Variants in KIF13A observed in about 807,000 individuals in gnomAD.
KIF13A encodes kinesin-like protein KIF13A.
KIF13A carries 79 observed loss-of-function variants against 212.2 expected under a neutral mutation model. That is an observed-to-expected ratio of 0.37 (90% CI 0.31 to 0.45). The LOEUF is 0.45. Ranked by LOEUF, KIF13A falls within the 20% of genes least tolerant of loss-of-function variation. The probability of loss-of-function intolerance (pLI) is 1.00; values close to 1 mark genes in which losing one functional copy is unlikely to be tolerated. For synonymous variants in KIF13A, 789 were observed against 808.6 expected, an observed-to-expected ratio of 0.98 and a Z score of 0.41; for missense variants, 1,901 against 2,209.0, an observed-to-expected ratio of 0.86 and a Z score of 2.79.
At chr6:17,863,963 T>C (rs528297162) in intron 4 of KIF13A, among the ~76,000 whole-genome samples, 9 of 152,300 alleles carry the variant, frequency 5.9e-5, no homozygotes, top group South Asian at 4.1e-4. Flanking sequence ...AAACAGTGCA[T>C]GGGTGGATCC....
chr6:17,986,449 A>G (rs958896334), intron 2 of KIF13A, among the ~76,000 whole-genome samples: 10 of 152,354 alleles, frequency 6.6e-5, no homozygotes, highest in East Asian at 5.8e-4. Flanking sequence ...TATACAGTTC[A>G]GGGCCCTACT....
At position 17,816,293 on chromosome 6, in the gene KIF13A, T is replaced by C. The variant is rs1320957058; in HGVS notation, c.2000+727A>G. On this transcript the variant is annotated intron_variant, in intron 17 of 38. Transcript: ENST00000259711. The surrounding 1 kb of genome is among the most constrained non-coding windows in gnomAD (Gnocchi z 4.3). The stretch of plus-strand genomic sequence containing the variant: ...ATCGCAGCTCACTAAAGCCTTGATC[T>C]CTGGGGCTCAAGTGACCCTCCCTCC... Among the ~76,000 whole-genome samples, 1 of 152,050 alleles carries C rather than the reference T, an allele frequency of 6.6e-6. No homozygotes were observed. Among genetic ancestry groups the C allele is most frequent in the Non-Finnish European group, 1.5e-5 (1 of 68,004 alleles).
chr6:17,797,325 G>A (rs1001242172), intron 22 of KIF13A, among the ~76,000 whole-genome samples: 5 of 151,614 alleles, frequency 3.3e-5, no homozygotes, highest in East Asian at 2.0e-4. Context: ...CACCATGCCC[G>A]GCCTCAACCC....
chr6:17,847,544 C>A (rs563848235), intron 9 of KIF13A, among the ~76,000 whole-genome samples: 1 of 152,264 alleles, frequency 6.6e-6, no homozygotes, highest in Non-Finnish European at 1.5e-5. Flanking sequence ...TAAATGCAAG[C>A]TGTGCAAACA....
At chr6:17,950,101 A>G (rs1473631147) in intron 2 of KIF13A, among the ~76,000 whole-genome samples, 1 of 152,168 alleles carries the variant, frequency 6.6e-6, no homozygotes, top group African/African-American at 2.4e-5. Context: ...TAGTTTTCCT[A>G]GGATATATAG....
At chr6:17,939,962 C>A (rs1750701887) in intron 2 of KIF13A, among the ~76,000 whole-genome samples, 1 of 149,856 alleles carries the variant, frequency 6.7e-6, no homozygotes, top group Non-Finnish European at 1.5e-5. Flanking sequence ...ATGGCGTGAA[C>A]CTGGGAGGCG....
At chr6:17,969,235 A>G (rs1779588020) in intron 2 of KIF13A, among the ~76,000 whole-genome samples, 1 of 152,234 alleles carries the variant, frequency 6.6e-6, no homozygotes, top group African/African-American at 2.4e-5. Context: ...CTTCACGGAC[A>G]TTGAACTGGT....
chr6:17,881,443 T>TA (rs34985576), intron 3 of KIF13A: 9,962 of 386,234 alleles, frequency 0.026, 2 homozygotes, highest in Middle Eastern at 0.034. Flanking sequence ...AATTTACAGT[T>TA]AAAAAAAAAA....
chr6:17,831,054 G>A (rs775725118), intron 13 of KIF13A, 47 bp downstream of exon 13: 1 of 1,567,250 alleles, frequency 6.4e-7, no homozygotes, highest in Non-Finnish European at 8.7e-7. Flanking sequence ...ACTACGAACT[G>A]TATAGGAATG....
At position 17,888,613 on chromosome 6, in the gene KIF13A, C is replaced by T. The variant is rs1386090813; in HGVS notation, c.159+9555G>A. 2.0e-5 allele frequency among the ~76,000 whole-genome samples: 3 copies of T among 152,194 alleles called. No individual in the cohort carries two copies. The highest frequency in any genetic ancestry group is 1.9e-4 in the East Asian group (1 of 5,192). On this transcript the variant is annotated intron_variant, in intron 3 of 38. Transcript: ENST00000259711. The surrounding 1 kb of genome is among the most constrained non-coding windows in gnomAD (Gnocchi z 4.8). ...CCAAAGCGGGCAGATCACTTGAGGC[C>T]GGGAGTTCGAGACCAGCTTGGCCAA...
chr6:17,979,668 T>C (rs532784027), intron 2 of KIF13A, among the ~76,000 whole-genome samples: 16 of 151,752 alleles, frequency 1.1e-4, no homozygotes, highest in Non-Finnish European at 2.1e-4. Context: ...CAAAACAATG[T>C]GCTTTAGGGA....
rs559583908 is a variant in KIF13A at position 17,914,688 on chromosome 6, C to G, written c.147-16508G>C. Reference sequence around the variant, plus strand: ...GCAGGGTCTCTGTGGAGCAGGGTCTCTGTAGGGTGTTCTCCAGGCCACCTC... The same window carrying G: ...GCAGGGTCTCTGTGGAGCAGGGTCTGTGTAGGGTGTTCTCCAGGCCACCTC... On this transcript the variant is annotated intron_variant, in intron 2 of 38. Transcript: ENST00000259711. The surrounding 1 kb of genome is among the most constrained non-coding windows in gnomAD (Gnocchi z 5.9). 4.6e-5 allele frequency among the ~76,000 whole-genome samples: 7 copies of G among 152,270 alleles called. No individual in the cohort carries two copies. Among genetic ancestry groups the G allele is most frequent in the African/African-American group, 1.7e-4 (7 of 41,550 alleles).
intron 16 of KIF13A, among the ~76,000 whole-genome samples, chr6:17,818,312 T>A (rs1172216350): frequency 6.6e-6 from 1 of 152,226 alleles, no homozygotes; most frequent in Non-Finnish European, 1.5e-5. Flanking sequence ...GAAAAGAAGC[T>A]GAAAATTAAA....
chr6:17,923,921 T>C (rs749164962), intron 2 of KIF13A, among the ~76,000 whole-genome samples: 1 of 152,160 alleles, frequency 6.6e-6, no homozygotes, highest in Non-Finnish European at 1.5e-5. Flanking sequence ...AGTATTTACA[T>C]GATCAGCCCT....
Position 17,764,333 on chromosome 6 carries a change from T to G in KIF13A, c.5195A>C (p.Asp1732Ala), listed in dbSNP as rs1487835075. The change falls in exon 39 of 39, where the codon GAC becomes GCC. Residue 1732 changes from aspartate to alanine, a missense_variant. Coordinates refer to ENST00000259711, the MANE Select transcript of KIF13A (RefSeq NM_022113.6). This position sits in a 1 kb window ranked among gnomAD's most constrained non-coding sequence, Gnocchi z 5.1. ...TVEHTTNILE[D>A]HSFTEFMGVS... ...TCCCATAAATTCTGTGAAAGAATGGTCTTCAAGGATGTTGGTGGTGTGTTC... is the reference window on the plus strand; with the variant it reads ...TCCCATAAATTCTGTGAAAGAATGGGCTTCAAGGATGTTGGTGGTGTGTTC... The G allele has an allele frequency of 6.2e-7, 1 of 1,613,966 alleles. No homozygotes were observed. Among genetic ancestry groups the G allele is most frequent in the Non-Finnish European group, 8.5e-7 (1 of 1,179,900 alleles).
At position 17,849,541 on chromosome 6, in the gene KIF13A, T is replaced by C. The variant is rs1056333311; in HGVS notation, c.718-52A>G. 7 of 1,273,542 alleles carry C rather than the reference T, an allele frequency of 5.5e-6. No homozygotes were observed. Among genetic ancestry groups the C allele is most frequent in the African/African-American group, 1.5e-5 (1 of 67,862 alleles). 78.9% of individuals were successfully genotyped at this position (1,273,542 alleles called of 1,614,324 possible). On this transcript the variant is annotated intron_variant, in intron 8 of 38. Coordinates refer to ENST00000259711, the MANE Select transcript of KIF13A (RefSeq NM_022113.6). This position sits in a 1 kb window ranked among gnomAD's most constrained non-coding sequence, Gnocchi z 5.7. ...GAAAAACTTATCAATAAAAACCACATGGATATCTACATATATGTTAGCACT... is the reference window on the plus strand; with the variant it reads ...GAAAAACTTATCAATAAAAACCACACGGATATCTACATATATGTTAGCACT...
At position 17,941,937 on chromosome 6, in the gene KIF13A, T is replaced by C. The variant is rs147735280; in HGVS notation, c.147-43757A>G. Reference sequence around the variant, plus strand: ...GACATAGGAAAGTTTACGGTGAGTGTTAGAAGGCCTCACCACAGCTGTCAA... The same window carrying C: ...GACATAGGAAAGTTTACGGTGAGTGCTAGAAGGCCTCACCACAGCTGTCAA... On this transcript the variant is annotated intron_variant, in intron 2 of 38. Transcript: ENST00000259711. Among the ~76,000 whole-genome samples the C allele has an allele frequency of 9.7e-4, 147 of 152,134 alleles. No individual in the cohort carries two copies. The South Asian group carries it at 0.01, about 11-fold the overall frequency.
intron 12 of KIF13A, among the ~76,000 whole-genome samples, chr6:17,831,663 G>A (rs1765465217): frequency 6.7e-6 from 1 of 149,166 alleles, no homozygotes; most frequent in Non-Finnish European, 1.5e-5. Context: ...TATAAAGATA[G>A]GGTGTTCTTG....
At chr6:17,796,617 G>C in intron 23 of KIF13A, 52 bp downstream of exon 23, 1 of 1,237,544 alleles carries the variant, frequency 8.1e-7, no homozygotes, top group Non-Finnish European at 1.1e-6. Context: ...CAGAGACTCT[G>C]CTCAAGTCCT....
Sources: gnomAD v4.1 joint callset for allele counts (sites outside exome capture counted in the v4.1 genomes callset) on GRCh38, gnomAD v4.1.1 for gene constraint, Gnocchi (gnomAD v3.1) non-coding constraint, MANE v1.5 for transcripts, NCBI Gene and HGNC (gene_info 2026-07-23, HGNC 2026-07-21) for gene names.